The following NPAS2 variants were observed in gnomAD, a reference collection of about 807,000 sequenced individuals.
The protein encoded by NPAS2 is neuronal PAS domain protein 2.
Under a neutral mutation model 107.5 loss-of-function variants are expected in NPAS2, and 23 were observed. The observed-to-expected ratio is 0.21, with a 90% CI of 0.15 to 0.30. The LOEUF (loss-of-function observed/expected upper bound fraction) is 0.30, where lower values mean the gene tolerates loss of function less well. NPAS2 is among the 10% of genes least tolerant of loss of function. NPAS2 has a pLI of 1.00. For synonymous variants in NPAS2, 403 were observed against 417.5 expected, an observed-to-expected ratio of 0.97 and a Z score of 0.42; for missense variants, 756 against 1,043.3, an observed-to-expected ratio of 0.72 and a Z score of 3.79.
Position 100,862,256 on chromosome 2 carries a change from A to G in NPAS2, c.-23+41842A>G, listed in dbSNP as rs558674785. The stretch of plus-strand genomic sequence containing the variant: ...GTTTTGTTGTCTGATCAGACCTCGG[A>G]AGGGGATCTGGCTTCTATGCAGTAG... On this transcript the variant is annotated intron_variant, in intron 1 of 20. Coordinates refer to ENST00000335681, the MANE Select transcript of NPAS2 (RefSeq NM_002518.4). Among the ~76,000 whole-genome samples, 6 of 152,308 alleles carry G rather than the reference A, an allele frequency of 3.9e-5. No individual in the cohort carries two copies. In the South Asian group the frequency reaches 8.3e-4, roughly 21 times the overall value.
chr2:100,987,792 G>C (rs2105307123), intron 16 of NPAS2: 1 of 439,396 alleles, frequency 2.3e-6, no homozygotes, highest in Non-Finnish European at 4.1e-6. Context: ...ACATTATTTA[G>C]AGAACATCTG....
At chr2:100,966,709 T>G (rs1573742696) in intron 10 of NPAS2, among the ~76,000 whole-genome samples, 3 of 149,272 alleles carry the variant, frequency 2.0e-5, no homozygotes, top group Non-Finnish European at 4.4e-5. Flanking sequence ...TTCTCCCACC[T>G]CAGCCTCTAG....
At chr2:100,982,505 G>A (rs1677509136) in intron 16 of NPAS2, 128 bp downstream of exon 16, 1 of 1,085,132 alleles carries the variant, frequency 9.2e-7, no homozygotes, top group Non-Finnish European at 1.3e-6. Flanking sequence ...ATTTGCTTAT[G>A]AAAGCATATT....
At chr2:100,883,541 G>A (rs1197616816) in intron 1 of NPAS2, among the ~76,000 whole-genome samples, 1 of 152,048 alleles carries the variant, frequency 6.6e-6, no homozygotes, top group African/African-American at 2.4e-5. Context: ...CAGCTGAGAG[G>A]ACCAGCATGA....
intron 7 of NPAS2, among the ~76,000 whole-genome samples, chr2:100,954,501 CT>C (rs1436324364): frequency 6.6e-6 from 1 of 151,952 alleles, no homozygotes; most frequent in Non-Finnish European, 1.5e-5. Flanking sequence ...TGTGTCTCTA[CT>C]AATAATACAA....
chr2:100,991,208 C>T (rs1678108903), intron 19 of NPAS2, among the ~76,000 whole-genome samples: 1 of 152,214 alleles, frequency 6.6e-6, no homozygotes, highest in Non-Finnish European at 1.5e-5. Context: ...GACCCTCCCC[C>T]AGGCTCCAGC....
At chr2:100,868,133 G>A (rs1679364742) in intron 1 of NPAS2, among the ~76,000 whole-genome samples, 1 of 152,108 alleles carries the variant, frequency 6.6e-6, no homozygotes, top group African/African-American at 2.4e-5. Context: ...ATTCCCATCT[G>A]GGACAATTTC....
intron 14 of NPAS2, among the ~76,000 whole-genome samples, chr2:100,977,352 C>T (rs1230698507): frequency 1.3e-5 from 2 of 152,200 alleles, no homozygotes; most frequent in Admixed American, 1.3e-4. Flanking sequence ...TTGATGACAC[C>T]GCTAAGAATT....
intron 1 of NPAS2, among the ~76,000 whole-genome samples, chr2:100,847,592 A>C (rs368865596): frequency 6.6e-6 from 1 of 152,036 alleles, no homozygotes; most frequent in African/African-American, 2.4e-5. Context: ...GGATGGTCTC[A>C]ATCTCCTGAC....
intron 1 of NPAS2, among the ~76,000 whole-genome samples, chr2:100,879,244 T>C (rs2104621216): frequency 6.6e-6 from 1 of 152,328 alleles, no homozygotes; most frequent in East Asian, 1.9e-4. Flanking sequence ...TGTTATTGTA[T>C]TTAGGGTTTA....
At chr2:100,954,868 GTTTTTTTT>G (rs1675473769) in intron 7 of NPAS2, among the ~76,000 whole-genome samples, 1 of 130,870 alleles carries the variant, frequency 7.6e-6, no homozygotes, top group African/African-American at 3.0e-5. Context: ...TGTTTTTTTT[GTTTTTTTT>G]GTTTTTTTTT....
rs545706624 is a variant in NPAS2, at chr2:100,829,452, C to T, written c.-23+9038C>T. ...TTCTTGATTTGGCTCTCAGTTTGGA[C>T]GTTATTGGTGTGAAATAATGTAGAA... is the stretch of plus-strand genomic sequence containing the variant. On this transcript the variant is annotated intron_variant, in intron 1 of 20. Transcript: ENST00000335681. Among the ~76,000 whole-genome samples the T allele has an allele frequency of 4.6e-5, 7 of 152,204 alleles. No homozygotes were observed. The South Asian group carries it at 6.2e-4, about 14-fold the overall frequency.
chr2:100,982,638 A>C (rs2105283275), intron 16 of NPAS2: 2 of 511,898 alleles, frequency 3.9e-6, no homozygotes, highest in Non-Finnish European at 7.1e-6. Flanking sequence ...GCCTCCACCT[A>C]CGTTTGCACT....
intron 17 of NPAS2, 149 bp downstream of exon 17, chr2:100,988,425 T>G (rs764248238): frequency 1.4e-5 from 9 of 646,402 alleles, no homozygotes; most frequent in Non-Finnish European, 1.9e-5. Flanking sequence ...GGAGTGAGCC[T>G]TCTTTTCCTT....
At chr2:100,841,625 T>C (rs1327348742) in intron 1 of NPAS2, among the ~76,000 whole-genome samples, 1 of 152,234 alleles carries the variant, frequency 6.6e-6, no homozygotes, top group East Asian at 1.9e-4. Context: ...GACTAAAGGT[T>C]AGAACATTCG....
intron 5 of NPAS2, among the ~76,000 whole-genome samples, chr2:100,940,897 C>A (rs1299889639): frequency 6.6e-6 from 1 of 152,174 alleles, no homozygotes; most frequent in Admixed American, 6.5e-5. Context: ...GAGGAAGAGG[C>A]GGCTCTTGAG....
chr2:100,940,385 T>C (rs1674504687), intron 5 of NPAS2, among the ~76,000 whole-genome samples: 1 of 152,242 alleles, frequency 6.6e-6, no homozygotes, highest in African/African-American at 2.4e-5. Context: ...TACTTAACTA[T>C]TAAATATCAC....
intron 5 of NPAS2, among the ~76,000 whole-genome samples, chr2:100,939,459 T>G: frequency 6.6e-6 from 1 of 152,106 alleles, no homozygotes; most frequent in Non-Finnish European, 1.5e-5. Flanking sequence ...CAGCTGCACC[T>G]TGATTTTCAT....
chr2:100,992,903 ATAGTG>A, intron 19 of NPAS2, among the ~76,000 whole-genome samples: 1 of 134,826 alleles, frequency 7.4e-6, no homozygotes, highest in East Asian at 2.1e-4. Context: ...GATAGTGTTG[ATAGTG>A]TCTTTTGATG....
Sources: allele counts gnomAD v4.1 joint callset (sites outside exome capture counted in the v4.1 genomes callset), GRCh38; gene constraint gnomAD v4.1.1; transcripts MANE v1.5; gene names NCBI Gene and HGNC (gene_info 2026-07-23, HGNC 2026-07-21).